The following ZP2 variants were observed in gnomAD, a reference collection of about 807,000 sequenced individuals.
ZP2 encodes the protein zona pellucida sperm-binding protein 2.
A neutral mutation model predicts 84.0 loss-of-function variants in ZP2; 51 were observed. The observed-to-expected ratio is 0.61, with a 90% CI of 0.49 to 0.77. The LOEUF (loss-of-function observed/expected upper bound fraction) is 0.77, where lower values mean the gene tolerates loss of function less well. ZP2 is among the 30% of genes least tolerant of loss of function. ZP2 has a pLI of 0.00. For synonymous variants in ZP2, 375 were observed against 330.9 expected (o/e 1.13, Z -1.45); for missense variants, 909 against 911.9 (o/e 1.00, Z 0.04).
chr16:21,202,678 G>A (rs1016335989), intron 10 of ZP2, among the ~76,000 whole-genome samples: 1 of 152,166 alleles, frequency 6.6e-6, no homozygotes, highest in Admixed American at 6.5e-5. Flanking sequence ...AGTTTGGGGA[G>A]AAACTGAGGC....
At position 21,198,825 on chromosome 16, in the gene ZP2, G is replaced by A; in HGVS notation, c.1965C>T (p.Ser655=). The change falls in exon 17 of 19, where the codon AGC becomes AGT. Residue 655 remains serine, a synonymous_variant. Transcript: ENST00000574091. The part of the protein sequence containing the change: ...GATEAEKMTV[S]LPGPILLLSD... ...ACAACAGGAGAATGGGTCCTGGGAGGCTGACTGTCATTTTCTCTGCTTCAG... is the reference window on the plus strand; with the variant it reads ...ACAACAGGAGAATGGGTCCTGGGAGACTGACTGTCATTTTCTCTGCTTCAG... 1 of 1,614,094 alleles carries A rather than the reference G, an allele frequency of 6.2e-7. No individual in the cohort carries two copies. Among genetic ancestry groups the A allele is most frequent in the Non-Finnish European group, 8.5e-7 (1 of 1,179,988 alleles).
intron 5 of ZP2, chr16:21,205,981 C>T: frequency 1.7e-6 from 1 of 592,250 alleles, no homozygotes; most frequent in South Asian, 2.0e-5. Flanking sequence ...ATCTAAGCTC[C>T]TTTCCAGTTG....
chr16:21,203,732 T>G, intron 9 of ZP2: 1 of 460,858 alleles, frequency 2.2e-6, no homozygotes. Context: ...AGATTCATCA[T>G]TAGGTATTTG....
Position 21,202,110 on chromosome 16 carries a change from T to C in ZP2, c.1281A>G (p.Arg427=). The stretch of plus-strand genomic sequence containing the variant: ...GCCATCTGCCAGTACTAACCTTATA[T>C]CTCGTTCCACATCCATTCAGGGGTA... ...FHIPLNGCGT[R]YKFEDDKVVY... The change falls in exon 11 of 19, where the codon AGA becomes AGG. Residue 427 remains arginine (R), a synonymous_variant. Coordinates refer to ENST00000574091, the MANE Select transcript of ZP2 (RefSeq NM_001376232.1). 6.2e-7 allele frequency: 1 copy of C among 1,613,304 alleles called. No individual in the cohort carries two copies. The highest frequency in any genetic ancestry group is 8.5e-7 in the Non-Finnish European group (1 of 1,179,576).
chr16:21,212,597 CTG>C (rs1402692003), upstream of ZP2, among the ~76,000 whole-genome samples: 25 of 152,260 alleles, frequency 1.6e-4, no homozygotes, highest in Admixed American at 1.2e-3. Context: ...TGAGATAAAT[CTG>C]TGTTTATATA....
upstream of ZP2, among the ~76,000 whole-genome samples, chr16:21,213,848 C>T (rs2093282969): frequency 6.6e-6 from 1 of 151,980 alleles, no homozygotes; most frequent in African/African-American, 2.4e-5. Context: ...AAAAGTGGCA[C>T]CTTTTCTACA....
At chr16:21,211,619 G>T, upstream of ZP2, 2 of 1,611,098 alleles carry the variant, frequency 1.2e-6, no homozygotes, top group East Asian at 2.2e-5. Flanking sequence ...GAAGCCAGCC[G>T]CATCCACACC....
In ZP2 at chr16:21,206,861, T is replaced by C. The variant is rs145329860; in HGVS notation, c.460A>G (p.Ile154Val). ...ACAGACATGAAATCCTTCTGGCAGATTGTAGATGCTGAAAGCCCCTGGGTC... is the reference window on the plus strand; with the variant it reads ...ACAGACATGAAATCCTTCTGGCAGACTGTAGATGCTGAAAGCCCCTGGGTC... ...EETQGLSASTICQKDFMSFSL... is the reference protein window; with the variant it reads ...EETQGLSASTVCQKDFMSFSL... Residue 154 changes from isoleucine (I) to valine (V), a missense_variant, in exon 5 of 19, where the codon ATC (isoleucine) becomes GTC (valine). Physicochemically the swap from Ile to Val is conservative, Grantham distance 29. Coordinates refer to ENST00000574091, the MANE Select transcript of ZP2 (RefSeq NM_001376232.1). 5.6e-4 allele frequency: 902 copies of C among 1,614,126 alleles called. 2 individuals carry two copies. In the African/African-American group the frequency reaches 0.01, roughly 18 times the overall value.
intron 14 of ZP2, among the ~76,000 whole-genome samples, chr16:21,200,843 A>G (rs983791718): frequency 1.3e-5 from 2 of 152,216 alleles, no homozygotes; most frequent in African/African-American, 4.8e-5. Context: ...GATCAACACC[A>G]TAGTAGAGTC....
At chr16:21,199,691 G>T (rs1166678370) in intron 15 of ZP2, 25 bp from the exon 16 acceptor site, 1 of 1,613,392 alleles carries the variant, frequency 6.2e-7, no homozygotes, top group Admixed American at 1.7e-5. Context: ...GAGTTACATG[G>T]AATCGATGCA....
chr16:21,210,710 G>A (rs1489254146), intron 2 of ZP2, among the ~76,000 whole-genome samples: 1 of 152,034 alleles, frequency 6.6e-6, no homozygotes, highest in Non-Finnish European at 1.5e-5. Context: ...AAGTAGCTGG[G>A]ATTACATGTG....
chr16:21,199,535 T>C (rs2093215498), intron 16 of ZP2, 35 bp downstream of exon 16: 3 of 1,518,756 alleles, frequency 2.0e-6, no homozygotes, highest in Non-Finnish European at 2.7e-6. Context: ...TTGCTTTGAA[T>C]TAGACTCACA....
chr16:21,201,584 T>G, intron 13 of ZP2, 26 bp from the exon 14 acceptor site: 2 of 1,601,576 alleles, frequency 1.2e-6, no homozygotes, highest in Non-Finnish European at 1.7e-6. Flanking sequence ...ATTCAAGTAG[T>G]TAATGGCTGC....
chr16:21,205,669 A>G, intron 6 of ZP2, 62 bp downstream of exon 6: 4 of 1,612,810 alleles, frequency 2.5e-6, no homozygotes, highest in Non-Finnish European at 3.4e-6. Flanking sequence ...GTTAAAGGTA[A>G]TATCACCTTT....
chr16:21,210,870 T>C (rs570632841), intron 2 of ZP2, among the ~76,000 whole-genome samples: 4 of 147,326 alleles, frequency 2.7e-5, no homozygotes, highest in Non-Finnish European at 6.0e-5. Context: ...CCCCGGCGCC[T>C]GGCTGCATTT....
At chr16:21,206,784 C>G (rs1489121906) in intron 5 of ZP2, 54 bp downstream of exon 5, 1 of 1,608,166 alleles carries the variant, frequency 6.2e-7, no homozygotes, top group Non-Finnish European at 8.5e-7. Context: ...AGATCATCAT[C>G]ATATTCCCCC....
intron 16 of ZP2, among the ~76,000 whole-genome samples, chr16:21,199,081 C>T (rs749136146): frequency 3.3e-5 from 5 of 151,884 alleles, no homozygotes; most frequent in East Asian, 1.9e-4. Context: ...TTTGGGAGGC[C>T]GAGGTAGGTG....
upstream of ZP2, among the ~76,000 whole-genome samples, chr16:21,212,501 A>G (rs1346945135): frequency 6.6e-6 from 1 of 152,196 alleles, no homozygotes; most frequent in African/African-American, 2.4e-5. Flanking sequence ...AAGTTTAAAT[A>G]CTGTTTTGTA....
Position 21,199,839 on chromosome 16 carries a change from A to T in ZP2, c.1734T>A (p.His578Gln). 6.2e-7 allele frequency: 1 copy of T among 1,613,134 alleles called. No individual in the cohort carries two copies. Among genetic ancestry groups the T allele is most frequent in the Non-Finnish European group, 8.5e-7 (1 of 1,180,000 alleles). The change falls in exon 15 of 19, where the codon CAT becomes CAA. Residue 578 changes from histidine to glutamine, a missense_variant. His to Gln is a conservative substitution (Grantham distance 24). Transcript: ENST00000574091. ...GATGGGTCACAGAGGAGCCGACTGG[A>T]TGGAAGGTGGTCTGGTAGTTGTCCA... ...YDLDNYQTTFHPVGSSVTHPD... is the reference protein window; with the variant it reads ...YDLDNYQTTFQPVGSSVTHPD...
Sources: gnomAD v4.1 joint callset for allele counts (sites outside exome capture counted in the v4.1 genomes callset) on GRCh38, gnomAD v4.1.1 for gene constraint, MANE v1.5 for transcripts, NCBI Gene and HGNC (gene_info 2026-07-23, HGNC 2026-07-21) for gene names.